ATE1: variants seen among roughly 807,000 people sequenced by gnomAD.
ATE1 encodes arginyl-tRNA--protein transferase 1.
In ATE1, 36 loss-of-function variants were observed where a neutral mutation model predicts 70.5. The ratio of observed to expected loss-of-function variants is 0.51; its 90% CI spans 0.39 to 0.67. The LOEUF (loss-of-function observed/expected upper bound fraction) is 0.67, where lower values mean the gene tolerates loss of function less well. Among genes scored for constraint, ATE1 ranks in the 30% least tolerant of loss-of-function variants. The pLI is 0.00. For missense variants in ATE1, 593 were observed against 629.5 expected (o/e 0.94, Z 0.62); for synonymous variants, 232 against 219.3 (o/e 1.06, Z -0.51).
chr10:121,752,042 A>G (rs941132798), intron 11 of ATE1, among the ~76,000 whole-genome samples: 1 of 151,306 alleles, frequency 6.6e-6, no homozygotes, highest in African/African-American at 2.4e-5. Context: ...AAAAAATACA[A>G]AAAAATTAGC....
intron 10 of ATE1, among the ~76,000 whole-genome samples, chr10:121,825,260 G>C (rs1276395373): frequency 6.6e-6 from 1 of 152,236 alleles, no homozygotes; most frequent in African/African-American, 2.4e-5. Context: ...CTGAATGAAG[G>C]TTGAAAGGAC....
chr10:121,896,006 T>G (rs529089900), intron 7 of ATE1, among the ~76,000 whole-genome samples: 5 of 152,324 alleles, frequency 3.3e-5, no homozygotes, highest in African/African-American at 1.2e-4. Flanking sequence ...TAGTTATATA[T>G]TTTTTGATGT....
chr10:121,897,311 T>C (rs1332898832), intron 7 of ATE1, among the ~76,000 whole-genome samples: 1 of 152,146 alleles, frequency 6.6e-6, no homozygotes, highest in African/African-American at 2.4e-5. Context: ...TCCTACCTGC[T>C]AAGCAGGGAG....
intron 10 of ATE1, among the ~76,000 whole-genome samples, chr10:121,832,095 C>T (rs1427401427): frequency 6.6e-6 from 1 of 152,168 alleles, no homozygotes; most frequent in African/African-American, 2.4e-5. Flanking sequence ...TTCAATAGCT[C>T]AGTTTGTGGG....
At chr10:121,862,532 A>ATTTTTTTTTTT (rs35130703) in intron 8 of ATE1, among the ~76,000 whole-genome samples, 86 of 105,364 alleles carry the variant, frequency 8.2e-4, no homozygotes, top group African/African-American at 1.1e-3. Context: ...AATTTTTTTA[A>ATTTTTTTTTTT]TTTTTTTTTT....
chr10:121,818,211 T>C (rs1405681410), intron 10 of ATE1, among the ~76,000 whole-genome samples: 6 of 119,464 alleles, frequency 5.0e-5, no homozygotes, highest in South Asian at 5.6e-4. Context: ...GAACTGAGAT[T>C]GCACCACTGC....
At chr10:121,745,663 T>C (rs568322582) in intron 11 of ATE1, among the ~76,000 whole-genome samples, 67 of 151,718 alleles carry the variant, frequency 4.4e-4, no homozygotes, top group Non-Finnish European at 5.6e-4. Flanking sequence ...GGAGGCGGAG[T>C]TTGCAGTGAG....
intron 11 of ATE1, among the ~76,000 whole-genome samples, chr10:121,773,996 C>T (rs1185822719): frequency 6.6e-6 from 1 of 152,076 alleles, no homozygotes; most frequent in Non-Finnish European, 1.5e-5. Flanking sequence ...AAATTCAAAA[C>T]GTGAAAATGA....
intron 10 of ATE1, among the ~76,000 whole-genome samples, chr10:121,808,098 A>C (rs1486400137): frequency 6.6e-6 from 1 of 152,238 alleles, no homozygotes; most frequent in East Asian, 1.9e-4. Context: ...GGGGATCTAC[A>C]CATCTGTAAA....
intron 4 of ATE1, among the ~76,000 whole-genome samples, chr10:121,912,794 G>A (rs1425712536): frequency 1.3e-5 from 2 of 150,648 alleles, no homozygotes; most frequent in African/African-American, 4.9e-5. Context: ...ACCTAGGCTG[G>A]AGTGCAGTGG....
intron 1 of ATE1, among the ~76,000 whole-genome samples, chr10:121,925,107 T>C (rs113209245): frequency 3.3e-5 from 5 of 152,302 alleles, no homozygotes; most frequent in African/African-American, 1.2e-4. Context: ...TGTAACAATA[T>C]TCCTTCTAAG....
At chr10:121,751,121 A>C (rs919224091) in intron 11 of ATE1, among the ~76,000 whole-genome samples, 2 of 152,252 alleles carry the variant, frequency 1.3e-5, no homozygotes, top group African/African-American at 4.8e-5. Context: ...CTCAGAAATT[A>C]ATTTGGGACT....
intron 10 of ATE1, among the ~76,000 whole-genome samples, chr10:121,833,593 A>T (rs1032613689): frequency 6.6e-6 from 1 of 151,752 alleles, no homozygotes; most frequent in East Asian, 2.0e-4. Context: ...GGAGTTGAAA[A>T]ATGATAAGAT....
At chr10:121,847,814 G>C (rs1363351258) in intron 8 of ATE1, among the ~76,000 whole-genome samples, 1 of 148,486 alleles carries the variant, frequency 6.7e-6, no homozygotes, top group African/African-American at 2.5e-5. Flanking sequence ...GCTCACACCT[G>C]TAATCCCAGC....
intron 8 of ATE1, among the ~76,000 whole-genome samples, chr10:121,863,647 T>C (rs557235018): frequency 2.5e-4 from 38 of 152,348 alleles, no homozygotes; most frequent in Non-Finnish European, 5.3e-4. Flanking sequence ...TATTACTCTG[T>C]TGCCCAGGCT....
At chr10:121,912,749 T>C (rs1289387233) in intron 4 of ATE1, among the ~76,000 whole-genome samples, 1 of 151,424 alleles carries the variant, frequency 6.6e-6, no homozygotes, top group Non-Finnish European at 1.5e-5. Flanking sequence ...TAATTCCTTT[T>C]TTTTTTTTTG....
At chr10:121,764,295 C>T (rs10886976) in intron 11 of ATE1, among the ~76,000 whole-genome samples, 125,625 of 151,894 alleles carry the variant, frequency 0.83, 52,302 homozygotes, top group Non-Finnish European at 0.88. Context: ...TTCTACACTA[C>T]ACCTTTGCCG....
chr10:121,781,903 A>T (rs984971527), intron 11 of ATE1, among the ~76,000 whole-genome samples: 2 of 152,240 alleles, frequency 1.3e-5, no homozygotes, highest in Non-Finnish European at 1.5e-5. Context: ...CGTTTCTTAC[A>T]AGAAGAAGAA....
chr10:121,884,855 C>G (rs1055465599), intron 7 of ATE1, among the ~76,000 whole-genome samples: 9 of 152,172 alleles, frequency 5.9e-5, no homozygotes, highest in Non-Finnish European at 1.0e-4. Context: ...CTACAATACA[C>G]AAGTGTTCCC....
Sources: gnomAD v4.1 joint callset for allele counts (sites outside exome capture counted in the v4.1 genomes callset) on GRCh38, gnomAD v4.1.1 for gene constraint, MANE v1.5 for transcripts, NCBI Gene and HGNC (gene_info 2026-07-23, HGNC 2026-07-21) for gene names.